CERT1: variants seen among roughly 807,000 people sequenced by gnomAD.
The protein encoded by CERT1 is ceramide transporter 1, also known as ceramide transfer protein.
A neutral mutation model predicts 87.9 loss-of-function variants in CERT1; 31 were observed. That is an observed-to-expected ratio of 0.35 (90% confidence interval 0.27 to 0.48). The LOEUF is 0.48. Among genes scored for constraint, CERT1 ranks in the 20% least tolerant of loss-of-function variants. CERT1 has a pLI of 0.99. For missense variants in CERT1, 487 were observed against 758.0 expected, an observed-to-expected ratio of 0.64 and a Z score of 4.20; for synonymous variants, 289 against 250.9, an observed-to-expected ratio of 1.15 and a Z score of -1.44.
intron 2 of CERT1, among the ~76,000 whole-genome samples, chr5:75,478,909 T>TAAAAAAAA (rs11438163): frequency 1.1e-3 from 24 of 21,764 alleles, no homozygotes; most frequent in Non-Finnish European, 1.7e-3. Flanking sequence ...AAGTAAGTAC[T>TAAAAAAAA]AAAAAAAAAA....
At chr5:75,398,151 AG>A (rs1364421565) in intron 11 of CERT1, among the ~76,000 whole-genome samples, 1 of 152,252 alleles carries the variant, frequency 6.6e-6, no homozygotes, top group Non-Finnish European at 1.5e-5. Context: ...GTATTCAAGG[AG>A]AAAAACGCTG....
intron 3 of CERT1, among the ~76,000 whole-genome samples, chr5:75,429,573 AC>A (rs1763780763): frequency 6.6e-6 from 1 of 152,128 alleles, no homozygotes. Context: ...AGTCCCAGCT[AC>A]TTGAGAGACT....
Position 75,476,059 on chromosome 5 carries a change from CTAATT to C in CERT1, c.232-16883_232-16879del, listed in dbSNP as rs540402438. 6.6e-4 allele frequency among the ~76,000 whole-genome samples: 100 copies of C among 152,166 alleles called. 1 individual carries two copies. The highest frequency in any genetic ancestry group is 2.3e-3 in the African/African-American group (97 of 41,532). The stretch of plus-strand genomic sequence containing the variant: ...ATAAAAAATCAAGTTTTAAAAAACA[CTAATT>C]TAGTTTTGAAACAATACAAGCTTCT... On this transcript the variant is annotated intron_variant, in intron 2 of 16. Transcript: ENST00000643780.
At chr5:75,428,928 G>C (rs1042717474) in intron 3 of CERT1, among the ~76,000 whole-genome samples, 2 of 151,662 alleles carry the variant, frequency 1.3e-5, no homozygotes, top group African/African-American at 4.8e-5. Context: ...ATTACATTTT[G>C]TTTCTTATCA....
At chr5:75,507,635 A>C (rs1342970339) in intron 1 of CERT1, among the ~76,000 whole-genome samples, 1 of 152,150 alleles carries the variant, frequency 6.6e-6, no homozygotes, top group Non-Finnish European at 1.5e-5. Flanking sequence ...TTCCTTGGGG[A>C]GACTGCTACT....
At chr5:75,460,498 T>G (rs1448013229) in intron 2 of CERT1, among the ~76,000 whole-genome samples, 2 of 152,184 alleles carry the variant, frequency 1.3e-5, no homozygotes, top group East Asian at 3.9e-4. Context: ...AAAATGAATG[T>G]TTTACATCCT....
chr5:75,412,165 T>C (rs1400175574), intron 7 of CERT1, among the ~76,000 whole-genome samples: 2 of 152,238 alleles, frequency 1.3e-5, no homozygotes, highest in Non-Finnish European at 2.9e-5. Flanking sequence ...TAGTCATACA[T>C]GGCTTTTTTC....
chr5:75,378,832 G>C lies in CERT1; in HGVS notation c.*514C>G, dbSNP rs1761434146. 6.6e-6 allele frequency: 1 copy of C among 152,164 alleles called. No individual in the cohort carries two copies. Among genetic ancestry groups the C allele is most frequent in the Non-Finnish European group, 1.5e-5 (1 of 68,058 alleles). 9.4% of individuals were successfully genotyped at this position (152,164 alleles called of 1,614,324 possible). ...ATAATATCAAAATTTCTTTACATAA[G>C]CATTAGAAGAAAAAGGAAACAATAA... On this transcript the variant is annotated 3_prime_UTR_variant, in exon 17 of 17. Coordinates refer to ENST00000643780, the MANE Select transcript of CERT1 (RefSeq NM_001379029.1).
downstream of CERT1, chr5:75,374,667 T>C (rs867476174): frequency 9.5e-6 from 6 of 629,722 alleles, no homozygotes; most frequent in South Asian, 2.7e-5. Context: ...CAAGCTGTTA[T>C]GTGAAGCTAT....
intron 14 of CERT1, among the ~76,000 whole-genome samples, chr5:75,383,046 G>A (rs925139989): frequency 6.6e-6 from 1 of 152,084 alleles, no homozygotes; most frequent in Admixed American, 6.6e-5. Flanking sequence ...ATATTGTAGT[G>A]TAAATAACAC....
At chr5:75,387,634 T>C (rs1372145608) in intron 12 of CERT1, among the ~76,000 whole-genome samples, 2 of 149,964 alleles carry the variant, frequency 1.3e-5, no homozygotes, top group Non-Finnish European at 3.0e-5. Context: ...CCCAGCTACC[T>C]GGGAGGCTGA....
chr5:75,413,211 T>C (rs958276458), intron 7 of CERT1, among the ~76,000 whole-genome samples: 1 of 152,202 alleles, frequency 6.6e-6, no homozygotes, highest in African/African-American at 2.4e-5. Context: ...TCAGCTCCAT[T>C]ATCATGTTAT....
intron 5 of CERT1, among the ~76,000 whole-genome samples, chr5:75,421,455 T>A (rs992106759): frequency 1.3e-5 from 2 of 152,350 alleles, no homozygotes; most frequent in South Asian, 2.1e-4. Context: ...CCTGTATTCA[T>A]TTCTACCTGG....
chr5:75,374,136 C>T (rs1761188986), downstream of CERT1: 1 of 345,974 alleles, frequency 2.9e-6, no homozygotes, highest in Non-Finnish European at 5.1e-6. Context: ...GAGCATTCAG[C>T]TTTTTTTTTT....
chr5:75,417,084 A>C, intron 6 of CERT1, 51 bp from the exon 7 acceptor site: 1 of 1,344,144 alleles, frequency 7.4e-7, no homozygotes, highest in South Asian at 1.3e-5. Flanking sequence ...GAAATAATTC[A>C]TCACAATTTA....
chr5:75,431,921 G>A (rs1302487235), intron 3 of CERT1, among the ~76,000 whole-genome samples: 1 of 152,094 alleles, frequency 6.6e-6, no homozygotes, highest in Non-Finnish European at 1.5e-5. Context: ...ATATTCCTAT[G>A]GGTATATACA....
chr5:75,485,259 A>G (rs910880609), intron 2 of CERT1, among the ~76,000 whole-genome samples: 2 of 148,928 alleles, frequency 1.3e-5, no homozygotes, highest in African/African-American at 5.0e-5. Context: ...CTTGAAGGCA[A>G]GAGTTCAAGA....
chr5:75,382,141 T>G, intron 14 of CERT1, 64 bp from the exon 15 acceptor site: 1 of 1,453,542 alleles, frequency 6.9e-7, no homozygotes, highest in Non-Finnish European at 9.4e-7. Flanking sequence ...AGAAACGTAA[T>G]GCCAATAAAT....
At position 75,511,554 on chromosome 5, in the gene CERT1, G is replaced by GA. The variant is rs1768005571; in HGVS notation, c.-348dup. 1.4e-5 allele frequency: 21 copies of GA among 1,458,418 alleles called. No individual in the cohort carries two copies. The highest frequency in any genetic ancestry group is 2.5e-5 in the East Asian group (1 of 40,112). The allele number at this position is 1,458,418 out of a possible 1,614,324, so 90.3% of individuals were successfully genotyped here. The stretch of plus-strand genomic sequence containing the variant: ...AAGGAAAAGGGAAAAGAAGGGAAGA[G>GA]AAAATCCGGCCGCTGAGTCCCGCGT... On this transcript the variant is annotated 5_prime_UTR_variant, in exon 1 of 17. Transcript: ENST00000643780.
Sources: allele counts gnomAD v4.1 joint callset (sites outside exome capture counted in the v4.1 genomes callset), GRCh38; gene constraint gnomAD v4.1.1; transcripts MANE v1.5; gene names NCBI Gene and HGNC (gene_info 2026-07-23, HGNC 2026-07-21).